The following CRAMP1 variants were observed in gnomAD, a reference collection of about 807,000 sequenced individuals.
CRAMP1 encodes cramped chromatin regulator 1, also known as protein cramped-like.
A neutral mutation model predicts 115.4 loss-of-function variants in CRAMP1; 50 were observed. That is an observed-to-expected ratio of 0.43 (90% confidence interval 0.35 to 0.55). CRAMP1 has a LOEUF of 0.55. Among genes scored for constraint, CRAMP1 ranks in the 20% least tolerant of loss-of-function variants. The pLI, the probability that CRAMP1 is intolerant of heterozygous loss-of-function variation, is 0.01. For synonymous variants in CRAMP1, 866 were observed against 745.4 expected (o/e 1.16, Z -2.64); for missense variants, 1,679 against 1,721.7 (o/e 0.98, Z 0.44).
At chr16:1,637,761 C>T (rs2036600269) in intron 4 of CRAMP1, 63 bp from the exon 5 acceptor site, 2 of 800,664 alleles carry the variant, frequency 2.5e-6, no homozygotes, top group African/African-American at 3.6e-5. Context: ...GTGGCTCTCA[C>T]ACCCAAGCCA....
At position 1,666,273 on chromosome 16, in the gene CRAMP1, A is replaced by G; in HGVS notation, c.2857+96A>G. ...TGAATGTTTTCTTCTCCAAATCATA[A>G]TGTCTCATTACCCTTCACCAAGAAC... On this transcript the variant is annotated intron_variant, in intron 15 of 20. Coordinates refer to ENST00000397412, the MANE Select transcript of CRAMP1 (RefSeq NM_020825.4). The surrounding 1 kb of genome is among the most constrained non-coding windows in gnomAD (Gnocchi z 5.0). 1 of 1,172,362 alleles carries G rather than the reference A, an allele frequency of 8.5e-7. No individual in the cohort carries two copies. The highest frequency in any genetic ancestry group is 1.5e-5 in the African/African-American group (1 of 65,604). 72.6% of individuals were successfully genotyped at this position (1,172,362 alleles called of 1,614,324 possible). A position where few individuals can be genotyped will look rare whatever the true frequency, so the allele number is the denominator to read the frequency against.
chr16:1,673,928 T>A lies in CRAMP1; in HGVS notation c.3693T>A (p.Asp1231Glu). The change falls in exon 21 of 21, where the codon GAT becomes GAA. Residue 1231 changes from aspartate to glutamate, a missense_variant. Physicochemically the swap from Asp to Glu is conservative, Grantham distance 45 (BLOSUM62 2). This residue lies in a region of CRAMP1 where 709 missense variants were observed against 741.9 expected (regional missense o/e 0.96). Transcript: ENST00000397412. ...LVCMMNENSI[D>E]YISRFNDLAQ... is the part of the protein sequence containing the mutation. ...GCATGATGAACGAAAACAGCATTGA[T>A]TACATTTCTCGGTTCAATGACCTGG... 6.2e-7 allele frequency: 1 copy of A among 1,613,812 alleles called. No homozygotes were observed. The highest frequency in any genetic ancestry group is 8.5e-7 in the Non-Finnish European group (1 of 1,179,828).
In CRAMP1 at chr16:1,662,980, C is replaced by A. The variant is rs984629359; in HGVS notation, c.2670+145C>A. On this transcript the variant is annotated intron_variant, in intron 13 of 20. Transcript: ENST00000397412. ...CCCTCTTGTGAGTAGGGTAAAAATA[C>A]AAGTAATAACAGTGAACTTAATGGT... 16 of 619,500 alleles carry A rather than the reference C, an allele frequency of 2.6e-5. No individual in the cohort carries two copies. The Admixed American group carries it at 4.5e-4, about 18-fold the overall frequency. 38.4% of individuals were successfully genotyped at this position (619,500 alleles called of 1,614,324 possible). A position where few individuals can be genotyped will look rare whatever the true frequency, so the allele number is the denominator to read the frequency against.
At chr16:1,657,029 A>G in intron 10 of CRAMP1, 37 bp downstream of exon 10, 2 of 1,458,284 alleles carry the variant, frequency 1.4e-6, no homozygotes, top group South Asian at 1.4e-5. Context: ...TGGCGGCCCA[A>G]GGGAAGCCAG....
At chr16:1,664,978 G>T in intron 13 of CRAMP1, 79 bp from the exon 14 acceptor site, 1 of 983,888 alleles carries the variant, frequency 1.0e-6, no homozygotes, top group East Asian at 2.4e-5. Flanking sequence ...CCTCTTACTT[G>T]GGACATTCCT....
intron 2 of CRAMP1, among the ~76,000 whole-genome samples, chr16:1,618,661 A>C (rs557896635): frequency 6.6e-6 from 1 of 151,748 alleles, no homozygotes; most frequent in South Asian, 2.1e-4. Flanking sequence ...GACTGTGCAC[A>C]ATTTACTCTT....
rs544601583 is a variant in CRAMP1 at position 1,621,338 on chromosome 16, C to T, written c.347-4635C>T. 7.7e-3 allele frequency among the ~76,000 whole-genome samples: 1,177 copies of T among 152,344 alleles called. 9 individuals carry two copies. The highest frequency in any genetic ancestry group is 0.011 in the Non-Finnish European group (770 of 68,030). ...CGCTGGGGCCACATGGCTGTGCCCT[C>T]ACTGCACCGTCTGCACAGCAGGCTG... On this transcript the variant is annotated intron_variant, in intron 2 of 20. Coordinates refer to ENST00000397412, the MANE Select transcript of CRAMP1 (RefSeq NM_020825.4).
At chr16:1,624,401 A>G (rs1470413780) in intron 2 of CRAMP1, among the ~76,000 whole-genome samples, 1 of 148,954 alleles carries the variant, frequency 6.7e-6, no homozygotes, top group Admixed American at 6.7e-5. Flanking sequence ...AATAATCTAC[A>G]TTTGCTTGGC....
At chr16:1,612,912 C>T (rs940646574) in intron 1 of CRAMP1, among the ~76,000 whole-genome samples, 2 of 152,064 alleles carry the variant, frequency 1.3e-5, no homozygotes, top group Non-Finnish European at 2.9e-5. Context: ...AGGCCATCCC[C>T]CTGCTTGTTG....
rs779145584 is a variant in CRAMP1 at position 1,662,819 on chromosome 16, A to T, written c.2654A>T (p.Lys885Met). The part of the protein sequence containing the change: ...PRKLRNRHLR[K>M]PLVVQRTLLP... ...AAGCTGCGGAACCGGCACCTGCGGA[A>T]GCCACTGGTGGTCCAGGTCAGGGTC... Residue 885 changes from lysine (K) to methionine (M), a missense_variant, in exon 13 of 21, where the codon AAG becomes ATG. Transcript: ENST00000397412. The T allele has an allele frequency of 6.2e-7, 1 of 1,613,772 alleles. No individual in the cohort carries two copies. The highest frequency in any genetic ancestry group is 8.5e-7 in the Non-Finnish European group (1 of 1,179,830).
intron 3 of CRAMP1, among the ~76,000 whole-genome samples, chr16:1,627,079 C>T (rs1002284720): frequency 6.6e-6 from 1 of 152,024 alleles, no homozygotes; most frequent in Non-Finnish European, 1.5e-5. Context: ...TCGGTGTGCA[C>T]GCTTCATACT....
At chr16:1,636,500 ATCC>A (rs1028916414) in intron 4 of CRAMP1, among the ~76,000 whole-genome samples, 8 of 152,164 alleles carry the variant, frequency 5.3e-5, no homozygotes, top group Non-Finnish European at 7.4e-5. Flanking sequence ...ATGGTCCAGA[ATCC>A]TCCTCATATC....
At chr16:1,648,832 G>C (rs2036698400) in intron 6 of CRAMP1, among the ~76,000 whole-genome samples, 1 of 152,174 alleles carries the variant, frequency 6.6e-6, no homozygotes, top group Non-Finnish European at 1.5e-5. Context: ...GCCGAGGCGG[G>C]CGGATCACGA....
At chr16:1,651,265 TGA>T (rs2036720117) in intron 6 of CRAMP1, among the ~76,000 whole-genome samples, 1 of 149,246 alleles carries the variant, frequency 6.7e-6, no homozygotes, top group South Asian at 2.1e-4. Context: ...CACGGTGGAC[TGA>T]GATCACGGAG....
At chr16:1,655,389 C>T in intron 9 of CRAMP1, 89 bp downstream of exon 9, 2 of 1,056,602 alleles carry the variant, frequency 1.9e-6, no homozygotes, top group Non-Finnish European at 3.0e-6. Flanking sequence ...CTGTCATCGT[C>T]ATGGTCCCCG....
chr16:1,652,448 T>G, intron 6 of CRAMP1, 48 bp from the exon 7 acceptor site: 1 of 1,505,522 alleles, frequency 6.6e-7, no homozygotes, highest in African/African-American at 1.4e-5. Context: ...CCTTCCGTCC[T>G]TCTGTTCACT....
intron 1 of CRAMP1, among the ~76,000 whole-genome samples, chr16:1,613,022 C>T (rs892784798): frequency 3.3e-5 from 5 of 152,024 alleles, no homozygotes; most frequent in Non-Finnish European, 5.9e-5. Context: ...GGCGAGCGGG[C>T]GAGTTCACTC....
intron 2 of CRAMP1, among the ~76,000 whole-genome samples, chr16:1,621,629 C>T (rs2142170196): frequency 6.6e-6 from 1 of 152,286 alleles, no homozygotes; most frequent in East Asian, 1.9e-4. Context: ...TTTATCTAGG[C>T]TCCGTGGGAC....
chr16:1,618,371 A>C (rs914084510), intron 2 of CRAMP1, among the ~76,000 whole-genome samples: 1 of 152,222 alleles, frequency 6.6e-6, no homozygotes, highest in African/African-American at 2.4e-5. Context: ...TGAAAAATGC[A>C]TGCAGCTTCA....
Sources: gnomAD v4.1 joint callset for allele counts (sites outside exome capture counted in the v4.1 genomes callset) on GRCh38, gnomAD v4.1.1 for gene constraint, gnomAD v4.1.1 regional missense constraint, Gnocchi (gnomAD v3.1) non-coding constraint, MANE v1.5 for transcripts, NCBI Gene and HGNC (gene_info 2026-07-23, HGNC 2026-07-21) for gene names.